The following C4orf50 variants were observed in gnomAD, a reference collection of about 807,000 sequenced individuals.
The protein encoded by C4orf50 is uncharacterized protein C4orf50.
In C4orf50, 80 loss-of-function variants were observed where a neutral mutation model predicts 77.2. That is an observed-to-expected ratio of 1.04 (90% CI 0.87 to 1.25). C4orf50 has a LOEUF of 1.25. C4orf50 is among the 50% of genes most tolerant of loss of function. The pLI, the probability that C4orf50 is intolerant of heterozygous loss-of-function variation, is 0.00. For synonymous variants in C4orf50, 532 were observed against 465.3 expected (o/e 1.14, Z -1.84); for missense variants, 1,257 against 1,152.9 (o/e 1.09, Z -1.31).
exon 28 of C4orf50, chr4:5,990,110 C>T (rs1163203117): frequency 3.9e-6 from 5 of 1,277,950 alleles, no homozygotes; most frequent in Non-Finnish European, 4.9e-6. Context: ...TCCACCCTTT[C>T]CCTCCTGCTC....
chr4:5,933,749 C>T (rs1047785738), intron 7 of C4orf50, among the ~76,000 whole-genome samples: 4 of 149,964 alleles, frequency 2.7e-5, no homozygotes, highest in African/African-American at 1.0e-4. Flanking sequence ...CCCCTCTGGC[C>T]CAGACCCCCT....
intron 7 of C4orf50, among the ~76,000 whole-genome samples, chr4:5,950,456 G>C (rs945691240): frequency 6.6e-6 from 1 of 152,164 alleles, no homozygotes; most frequent in African/African-American, 2.4e-5. Flanking sequence ...TGATGACTAC[G>C]TGAGGTTCCT....
chr4:5,930,881 A>G (rs10937695), intron 7 of C4orf50, among the ~76,000 whole-genome samples: 2 of 152,216 alleles, frequency 1.3e-5, no homozygotes, highest in African/African-American at 4.8e-5. Context: ...GTTGAAAGAC[A>G]TAAGTGGAAG....
chr4:5,973,452 G>C lies in C4orf50; in HGVS notation c.4104+207C>G, dbSNP rs1441425703. On this transcript the variant is annotated intron_variant, in intron 31 of 33. Transcript: ENST00000531445. ...TGCACCATTTCCTGAGCACCATAAAGGGTAAGGATTGCCAGATGCATCTTC... is the reference window on the plus strand; with the variant it reads ...TGCACCATTTCCTGAGCACCATAAACGGTAAGGATTGCCAGATGCATCTTC... Among the ~76,000 whole-genome samples, 5 of 152,346 alleles carry C rather than the reference G, an allele frequency of 3.3e-5. No homozygotes were observed. The East Asian group carries it at 9.7e-4, about 29-fold the overall frequency.
intron 7 of C4orf50, among the ~76,000 whole-genome samples, chr4:5,934,024 T>G (rs919218055): frequency 6.6e-6 from 1 of 151,980 alleles, no homozygotes; most frequent in Non-Finnish European, 1.5e-5. Flanking sequence ...CCCTACTCTT[T>G]TCTTCTAAAA....
At chr4:5,994,615 A>G (rs7437365) in intron 25 of C4orf50, 139 bp from the exon 4 acceptor site, 34,362 of 397,424 alleles carry the variant, frequency 0.086, 2,353 homozygotes, top group African/African-American at 0.25. Flanking sequence ...CAGAGGGCAG[A>G]GAGCTCACAG....
rs1722720477 is a variant in C4orf50 at position 6,017,388 on chromosome 4, G to A, written c.287+757C>T. Among the ~76,000 whole-genome samples the A allele has an allele frequency of 6.6e-6, 1 of 152,242 alleles. No homozygotes were observed. Among genetic ancestry groups the A allele is most frequent in the African/African-American group, 2.4e-5 (1 of 41,452 alleles). On this transcript the variant is annotated intron_variant, in intron 23 of 33. Coordinates refer to ENST00000531445, the Ensembl canonical transcript of C4orf50. This position sits in a 1 kb window ranked among gnomAD's most constrained non-coding sequence, Gnocchi z 4.7. Reference sequence around the variant, plus strand: ...CACATCTGAGTTACAGCCACAGTGGGAGATGTCACTGTGGGAACAAGAGTG... The same window carrying A: ...CACATCTGAGTTACAGCCACAGTGGAAGATGTCACTGTGGGAACAAGAGTG...
In C4orf50 at chr4:6,002,629, A is replaced by G. The variant is rs1424226581; in HGVS notation, c.963+5367T>C. Among the ~76,000 whole-genome samples the G allele has an allele frequency of 3.3e-5, 5 of 152,228 alleles. No individual in the cohort carries two copies. In the East Asian group the frequency reaches 9.7e-4, roughly 30 times the overall value. On this transcript the variant is annotated intron_variant, in intron 25 of 33. Coordinates refer to ENST00000531445, the Ensembl canonical transcript of C4orf50. ...GGGGCCCCTCCTGCCCACTCAGACA[A>G]TGCTCTCCTGCCCCAGAGCTTCCCC...
intron 7 of C4orf50, among the ~76,000 whole-genome samples, chr4:5,944,603 A>G (rs1196583013): frequency 6.6e-6 from 1 of 152,188 alleles, no homozygotes; most frequent in Non-Finnish European, 1.5e-5. Flanking sequence ...TGGAAGCTCC[A>G]GTGGAGGAAG....
In C4orf50 at chr4:6,018,261, T is replaced by G. The variant is rs113071938; in HGVS notation, c.171A>C (p.Ala57=). The G allele has an allele frequency of 1.5e-5, 6 of 399,046 alleles. No homozygotes were observed. Among genetic ancestry groups the G allele is most frequent in the African/African-American group, 2.1e-5 (1 of 48,726 alleles). The allele number at this position is 399,046 out of a possible 1,614,324, so 24.7% of individuals were successfully genotyped here. A position where few individuals can be genotyped will look rare whatever the true frequency, so the allele number is the denominator to read the frequency against. ...CCATATCCATGTCTGGGCGGCCAGCTGCTTCTTCCTGAAGACATTCCCGCT... is the reference window on the plus strand; with the variant it reads ...CCATATCCATGTCTGGGCGGCCAGCGGCTTCTTCCTGAAGACATTCCCGCT... The change falls in exon 23 of 34, where the codon GCA becomes GCC. Residue 57 remains alanine (A), a synonymous_variant. Transcript: ENST00000531445. The surrounding 1 kb of genome is among the most constrained non-coding windows in gnomAD (Gnocchi z 5.1).
intron 25 of C4orf50, among the ~76,000 whole-genome samples, chr4:6,004,124 AGTGATGATGGTGATG>A (rs1722053273): frequency 3.5e-4 from 7 of 19,770 alleles, no homozygotes; most frequent in South Asian, 1.5e-3. Context: ...TGATGGTGAT[AGTGATGATGGTGATG>A]GTGATGATGG....
At chr4:5,968,705 C>G (rs1442441705) in intron 31 of C4orf50, among the ~76,000 whole-genome samples, 1 of 152,348 alleles carries the variant, frequency 6.6e-6, no homozygotes, top group Middle Eastern at 3.4e-3. Flanking sequence ...ACTCTCTCCT[C>G]TCTGCTTATT....
chr4:5,931,279 C>T (rs1475449139), intron 7 of C4orf50, among the ~76,000 whole-genome samples: 1 of 152,162 alleles, frequency 6.6e-6, no homozygotes, highest in Non-Finnish European at 1.5e-5. Flanking sequence ...CAAGAGGCGG[C>T]CCCCAAACAC....
intron 7 of C4orf50, among the ~76,000 whole-genome samples, chr4:5,941,588 G>A (rs1718267729): frequency 6.6e-6 from 1 of 152,122 alleles, no homozygotes; most frequent in African/African-American, 2.4e-5. Flanking sequence ...CCTGCAGTGT[G>A]CCCAATACTT....
intron 25 of C4orf50, among the ~76,000 whole-genome samples, chr4:6,003,393 C>T (rs1350089294): frequency 2.6e-5 from 4 of 152,122 alleles, no homozygotes; most frequent in African/African-American, 9.7e-5. Flanking sequence ...ACTAGATGAG[C>T]ACAAGCCCAG....
chr4:5,982,433 G>T (rs992345974), intron 28 of C4orf50, among the ~76,000 whole-genome samples: 1 of 152,200 alleles, frequency 6.6e-6, no homozygotes, highest in Non-Finnish European at 1.5e-5. Context: ...GATGGGCGGT[G>T]GTGACGCTGC....
exon 34 of C4orf50, chr4:5,957,489 G>A (rs1719034697): frequency 1.3e-5 from 2 of 152,160 alleles, no homozygotes; most frequent in Admixed American, 1.3e-4. Flanking sequence ...AAATTATAGG[G>A]AAGCCCTGGG....
exon 28 of C4orf50, chr4:5,990,333 C>T (rs1346772132): frequency 3.7e-6 from 3 of 815,510 alleles, no homozygotes; most frequent in Non-Finnish European, 4.9e-6. Context: ...GGTTTTTCCC[C>T]TTCCTGCCCA....
At chr4:5,993,110 C>A (rs541929763) in intron 26 of C4orf50, among the ~76,000 whole-genome samples, 180 bp from the exon 5 acceptor site, 1 of 150,102 alleles carries the variant, frequency 6.7e-6, no homozygotes, top group East Asian at 1.9e-4. Flanking sequence ...GAAGCTGAGG[C>A]TCAGAGACGT....
Sources: allele counts gnomAD v4.1 joint callset (sites outside exome capture counted in the v4.1 genomes callset), GRCh38; gene constraint gnomAD v4.1.1; non-coding constraint Gnocchi (gnomAD v3.1); transcripts MANE v1.5; gene names NCBI Gene and HGNC (gene_info 2026-07-23, HGNC 2026-07-21).